The following QTMAN variants were observed in gnomAD, a reference collection of about 807,000 sequenced individuals.
QTMAN encodes the protein tRNA-queuosine alpha-mannosyltransferase.
chr2:144,031,634 C>G, the QTMAN span, among the ~76,000 whole-genome samples: 21 of 152,056 alleles, frequency 1.4e-4, no homozygotes, highest in African/African-American at 5.1e-4. Context: ...TAAAGGGAAG[C>G]CAGCAGTGAT....
the QTMAN span, among the ~76,000 whole-genome samples, chr2:144,003,054 A>T: frequency 6.6e-6 from 1 of 152,002 alleles, no homozygotes; most frequent in Non-Finnish European, 1.5e-5. Flanking sequence ...TTTCATAAAA[A>T]TACATTATTT....
At chr2:144,172,621 C>CAAAA in the QTMAN span, among the ~76,000 whole-genome samples, 22 of 51,180 alleles carry the variant, frequency 4.3e-4, no homozygotes, top group East Asian at 1.8e-3. Flanking sequence ...AAGACTCTGT[C>CAAAA]AAAAAAAAAA....
the QTMAN span, among the ~76,000 whole-genome samples, chr2:144,027,917 A>G: frequency 1.3e-5 from 2 of 152,190 alleles, no homozygotes; most frequent in African/African-American, 2.4e-5. Flanking sequence ...CTAGATTTAA[A>G]TGTTAAGATG....
the QTMAN span, among the ~76,000 whole-genome samples, chr2:144,090,977 A>T: frequency 6.6e-6 from 1 of 152,074 alleles, no homozygotes; most frequent in Non-Finnish European, 1.5e-5. Context: ...TCATCAGTGT[A>T]GTATTGACAT....
the QTMAN span, among the ~76,000 whole-genome samples, chr2:144,151,938 T>C: frequency 2.0e-5 from 3 of 152,174 alleles, no homozygotes; most frequent in Non-Finnish European, 4.4e-5. Context: ...GAACACTGCC[T>C]AACAAAATGT....
At chr2:144,248,644 C>T in the QTMAN span, among the ~76,000 whole-genome samples, 1 of 152,088 alleles carries the variant, frequency 6.6e-6, no homozygotes, top group Non-Finnish European at 1.5e-5. Context: ...AGTGTCTAAC[C>T]CACCATTCAG....
chr2:144,196,204 C>T, the QTMAN span, among the ~76,000 whole-genome samples: 101 of 136,594 alleles, frequency 7.4e-4, no homozygotes, highest in Middle Eastern at 3.5e-3. Flanking sequence ...CACGTGCATG[C>T]ACACATAGCC....
At chr2:144,076,282 A>C in the QTMAN span, among the ~76,000 whole-genome samples, 1 of 152,116 alleles carries the variant, frequency 6.6e-6, no homozygotes, top group Non-Finnish European at 1.5e-5. Context: ...CCTTATGAAC[A>C]CCACATCAGG....
chr2:144,299,504 G>A, the QTMAN span, among the ~76,000 whole-genome samples: 2 of 152,288 alleles, frequency 1.3e-5, 1 homozygote, highest in South Asian at 4.1e-4. Context: ...AACCTGTTGT[G>A]AAGGCTAAAA....
the QTMAN span, among the ~76,000 whole-genome samples, chr2:143,947,925 GGAGA>G: frequency 8.6e-5 from 13 of 151,970 alleles, no homozygotes; most frequent in Admixed American, 6.6e-5. Context: ...GGCAGAGGAG[GGAGA>G]GAGAGAAAGA....
chr2:144,233,629 C>G, the QTMAN span, among the ~76,000 whole-genome samples: 1 of 152,232 alleles, frequency 6.6e-6, no homozygotes. Context: ...GTGCTAGACT[C>G]GCTCAATTGA....
chr2:143,983,682 C>T, the QTMAN span, among the ~76,000 whole-genome samples: 1 of 152,088 alleles, frequency 6.6e-6, no homozygotes, highest in Admixed American at 6.5e-5. Flanking sequence ...ACCGTGTTAG[C>T]CATGATGGTC....
At chr2:144,095,816 T>TA in the QTMAN span, among the ~76,000 whole-genome samples, 4 of 152,186 alleles carry the variant, frequency 2.6e-5, no homozygotes, top group African/African-American at 9.6e-5. Flanking sequence ...AGGCTACCTA[T>TA]AATGCTTTAT....
At chr2:143,975,794 A>C in the QTMAN span, among the ~76,000 whole-genome samples, 3 of 152,176 alleles carry the variant, frequency 2.0e-5, no homozygotes, top group Non-Finnish European at 4.4e-5. Flanking sequence ...GTTGCCCTGT[A>C]AAGCCACCTA....
At chr2:144,238,699 T>C in the QTMAN span, among the ~76,000 whole-genome samples, 4 of 152,142 alleles carry the variant, frequency 2.6e-5, no homozygotes, top group African/African-American at 9.7e-5. Context: ...TTTCTTCTCC[T>C]TCATCAATAA....
the QTMAN span, among the ~76,000 whole-genome samples, chr2:144,021,653 T>C: frequency 2.0e-5 from 3 of 152,178 alleles, no homozygotes; most frequent in Non-Finnish European, 4.4e-5. Context: ...GAGAATGGAT[T>C]TGTTGATAGT....
the QTMAN span, among the ~76,000 whole-genome samples, chr2:144,279,440 T>G: frequency 2.0e-5 from 3 of 151,756 alleles, no homozygotes. Context: ...TACTACACTG[T>G]TAGAAATTTC....
the QTMAN span, among the ~76,000 whole-genome samples, chr2:144,075,717 T>A: frequency 6.6e-6 from 1 of 152,250 alleles, no homozygotes; most frequent in South Asian, 2.1e-4. Flanking sequence ...ATGTGTTTTA[T>A]GTTTTTGCAA....
chr2:144,301,823 G>C, the QTMAN span, among the ~76,000 whole-genome samples: 2 of 152,184 alleles, frequency 1.3e-5, no homozygotes, highest in Admixed American at 6.5e-5. Context: ...TCCTCCAGGA[G>C]GCATGTCTTC....
Sources: gnomAD v4.1 joint callset for allele counts (sites outside exome capture counted in the v4.1 genomes callset) on GRCh38, gnomAD v4.1.1 for gene constraint, MANE v1.5 for transcripts, NCBI Gene and HGNC (gene_info 2026-07-23, HGNC 2026-07-21) for gene names.